The following MXD1 variants were observed in gnomAD, a reference collection of about 807,000 sequenced individuals.
The protein encoded by MXD1 is MAX dimerization protein 1, also known as MAX-binding protein.
MXD1 carries 9 observed loss-of-function variants against 25.7 expected under a neutral mutation model. The ratio of observed to expected loss-of-function variants is 0.35; its 90% CI spans 0.21 to 0.61. MXD1 has a LOEUF of 0.61. Ranked by LOEUF, MXD1 falls within the 20% of genes least tolerant of loss-of-function variation. MXD1 has a pLI of 0.75. For synonymous variants in MXD1, 99 were observed against 113.9 expected (o/e 0.87, Z 0.83); for missense variants, 227 against 292.4 (o/e 0.78, Z 1.63).
chr2:69,920,334 C>A (rs1048307464), intron 2 of MXD1, among the ~76,000 whole-genome samples: 1 of 152,122 alleles, frequency 6.6e-6, no homozygotes, highest in African/African-American at 2.4e-5. Flanking sequence ...TACATGAGGT[C>A]CATATATTGT....
At chr2:69,933,219 A>G (rs541120546) in intron 3 of MXD1, among the ~76,000 whole-genome samples, 3 of 150,654 alleles carry the variant, frequency 2.0e-5, no homozygotes, top group African/African-American at 7.3e-5. Flanking sequence ...AAAAAAAAAA[A>G]AAAAACAAAA....
intron 2 of MXD1, among the ~76,000 whole-genome samples, chr2:69,917,426 G>A (rs949978257): frequency 1.3e-5 from 2 of 152,174 alleles, no homozygotes; most frequent in African/African-American, 4.8e-5. Context: ...CTTTAAGAAA[G>A]ATGTTAATAC....
intron 2 of MXD1, among the ~76,000 whole-genome samples, chr2:69,917,839 AAT>A (rs200158549): frequency 0.29 from 40,735 of 142,824 alleles, 7,387 homozygotes; most frequent in African/African-American, 0.55. Context: ...AAAAAAAAAA[AAT>A]AAAGGCTACA....
intron 3 of MXD1, among the ~76,000 whole-genome samples, chr2:69,933,354 T>C (rs1376756077): frequency 6.6e-6 from 1 of 152,128 alleles, no homozygotes; most frequent in African/African-American, 2.4e-5. Context: ...AAGAATATTA[T>C]CCAAGATGAA....
intron 3 of MXD1, among the ~76,000 whole-genome samples, chr2:69,922,025 A>G (rs956507415): frequency 3.9e-5 from 6 of 152,230 alleles, no homozygotes; most frequent in East Asian, 1.9e-4. Context: ...CCACAGACCA[A>G]AGCATTTTAG....
intron 4 of MXD1, among the ~76,000 whole-genome samples, chr2:69,935,884 C>A (rs754292322): frequency 4.4e-4 from 67 of 152,206 alleles, no homozygotes; most frequent in Non-Finnish European, 8.1e-4. Flanking sequence ...AACAGTCCTT[C>A]CAAGGTGCAA....
At chr2:69,919,754 G>T (rs1205186716) in intron 2 of MXD1, among the ~76,000 whole-genome samples, 1 of 152,202 alleles carries the variant, frequency 6.6e-6, no homozygotes, top group Non-Finnish European at 1.5e-5. Flanking sequence ...GTTAACTATA[G>T]TATCCTGTTG....
At chr2:69,925,569 A>G (rs1410795671) in intron 3 of MXD1, among the ~76,000 whole-genome samples, 2 of 152,150 alleles carry the variant, frequency 1.3e-5, no homozygotes, top group African/African-American at 4.8e-5. Flanking sequence ...TTTAACCAAC[A>G]TGGGATCATA....
rs1407470319 is a variant in MXD1 at position 69,935,482 on chromosome 2, G to A, written c.318+17G>A. The A allele has an allele frequency of 1.9e-6, 3 of 1,540,678 alleles. No individual in the cohort carries two copies. In the Admixed American group the frequency reaches 5.0e-5, roughly 26 times the overall value. On this transcript the variant is annotated intron_variant, in intron 4 of 5. Transcript: ENST00000264444. ...CACATAAAGGTAAGTGTATTGTTGG[G>A]ATGCTGCTTTATCTTTACCTGTTCA...
intron 5 of MXD1, 28 bp downstream of exon 5, chr2:69,937,422 C>G (rs200791977): frequency 1.3e-5 from 21 of 1,559,078 alleles, no homozygotes; most frequent in African/African-American, 3.0e-5. Flanking sequence ...TCCTCCCTGT[C>G]TCCCTTGTGC....
rs750008868 is a variant in MXD1, at chr2:69,938,180, G to A, written c.562G>A (p.Glu188Lys). The A allele has an allele frequency of 1.9e-6, 3 of 1,614,214 alleles. No homozygotes were observed. The highest frequency in any genetic ancestry group is 2.2e-5 in the East Asian group (1 of 44,886). The change falls in exon 6 of 6, where the codon GAG (glutamate) becomes AAG (lysine). Residue 188 changes from glutamate (E) to lysine (K), a missense_variant. Coordinates refer to ENST00000264444, the MANE Select transcript of MXD1 (RefSeq NM_002357.4). ...CAGCAGCAGTGTGAGCGACTCTGACGAGCGGGGCAGCATGCAGAGCCTCGG... is the reference window on the plus strand; with the variant it reads ...CAGCAGCAGTGTGAGCGACTCTGACAAGCGGGGCAGCATGCAGAGCCTCGG... The part of the protein sequence containing the change: ...WSSSSVSDSD[E>K]RGSMQSLGSD...
chr2:69,934,810 T>C (rs191335803), intron 3 of MXD1, among the ~76,000 whole-genome samples: 3 of 152,244 alleles, frequency 2.0e-5, no homozygotes, highest in African/African-American at 7.2e-5. Flanking sequence ...ACGGTGTGGA[T>C]GTAGCATAAT....
At chr2:69,937,966 C>T in intron 5 of MXD1, 131 bp from the exon 6 acceptor site, 2 of 824,854 alleles carry the variant, frequency 2.4e-6, no homozygotes, top group Non-Finnish European at 3.8e-6. Flanking sequence ...CAGCTGGTCT[C>T]AAACTCCTAA....
At position 69,937,320 on chromosome 2, in the gene MXD1, A is replaced by G. The variant is rs764252624; in HGVS notation, c.404A>G (p.Lys135Arg). ...EQRHLKRQLE[K>R]LGIERIRMDS... is the part of the protein sequence containing the mutation. Reference sequence around the variant, plus strand: ...CGACACCTGAAGAGGCAGCTGGAGAAGCTGGGCATTGAGAGGATCCGGATG... The same window carrying G: ...CGACACCTGAAGAGGCAGCTGGAGAGGCTGGGCATTGAGAGGATCCGGATG... Residue 135 changes from lysine (K) to arginine (R), a missense_variant, in exon 5 of 6, where the codon AAG (lysine) becomes AGG (arginine). Coordinates refer to ENST00000264444, the MANE Select transcript of MXD1 (RefSeq NM_002357.4). 3.7e-6 allele frequency: 6 copies of G among 1,614,204 alleles called. No homozygotes were observed. The highest frequency in any genetic ancestry group is 5.1e-6 in the Non-Finnish European group (6 of 1,180,030).
chr2:69,917,754 A>G (rs147668054), intron 2 of MXD1, among the ~76,000 whole-genome samples: 103 of 152,240 alleles, frequency 6.8e-4, no homozygotes, highest in African/African-American at 2.4e-3. Flanking sequence ...AAAGAAAAAT[A>G]ATAGTAGTTA....
chr2:69,942,214 ACT>A lies in MXD1; in HGVS notation c.*3933_*3934del, dbSNP rs1472539299. The A allele has an allele frequency of 1.3e-5, 2 of 151,018 alleles. No individual in the cohort carries two copies. Among genetic ancestry groups the A allele is most frequent in the African/African-American group, 2.4e-5 (1 of 41,050 alleles). The allele number at this position is 151,018 out of a possible 1,614,324, so 9.4% of individuals were successfully genotyped here. ...AGTAGCTGGCTACTCCTATTTAAAA[ACT>A]CTTCCTGGTAGAAGACAACCCAAAG... On this transcript the variant is annotated 3_prime_UTR_variant, in exon 6 of 6. Coordinates refer to ENST00000264444, the MANE Select transcript of MXD1 (RefSeq NM_002357.4).
intron 2 of MXD1, among the ~76,000 whole-genome samples, chr2:69,919,533 C>T (rs933754198): frequency 2.2e-4 from 33 of 151,536 alleles, no homozygotes; most frequent in Admixed American, 4.6e-4. Context: ...TTAGTAAAGA[C>T]GGGGTTTCGC....
At chr2:69,930,526 G>C (rs1677259082) in intron 3 of MXD1, among the ~76,000 whole-genome samples, 1 of 152,124 alleles carries the variant, frequency 6.6e-6, no homozygotes, top group Non-Finnish European at 1.5e-5. Context: ...TAAAACCCTT[G>C]CTAATTTTGT....
At chr2:69,932,058 T>A (rs916316377) in intron 3 of MXD1, among the ~76,000 whole-genome samples, 1 of 152,224 alleles carries the variant, frequency 6.6e-6, no homozygotes, top group South Asian at 2.1e-4. Flanking sequence ...GTTCCCCAAA[T>A]GGGAGTTTGA....
Sources: gnomAD v4.1 joint callset for allele counts (sites outside exome capture counted in the v4.1 genomes callset) on GRCh38, gnomAD v4.1.1 for gene constraint, MANE v1.5 for transcripts, NCBI Gene and HGNC (gene_info 2026-07-23, HGNC 2026-07-21) for gene names.